IGSF11: variants seen among roughly 807,000 people sequenced by gnomAD.
IGSF11 encodes the protein CXADR like 1.
IGSF11 carries 22 observed loss-of-function variants against 41.0 expected under a neutral mutation model. That is an observed-to-expected ratio of 0.54 (90% CI 0.38 to 0.77). IGSF11 has a LOEUF of 0.77. IGSF11 is among the 30% of genes least tolerant of loss of function. The pLI is 0.00. For synonymous variants in IGSF11, 219 were observed against 201.3 expected (o/e 1.09, Z -0.74); for missense variants, 444 against 530.8 (o/e 0.84, Z 1.61).
intron 1 of IGSF11, among the ~76,000 whole-genome samples, chr3:118,988,977 T>C (rs1273286431): frequency 6.6e-6 from 1 of 152,156 alleles, no homozygotes; most frequent in Non-Finnish European, 1.5e-5. Context: ...CCATATAAAC[T>C]AAAAGAAAAC....
At chr3:119,090,413 G>T (rs1350278989) in intron 1 of IGSF11, among the ~76,000 whole-genome samples, 1 of 152,022 alleles carries the variant, frequency 6.6e-6, no homozygotes, top group African/African-American at 2.4e-5. Flanking sequence ...ATAACAAAAA[G>T]CCCATATAGC....
At chr3:119,048,177 C>T (rs1489585722) in intron 1 of IGSF11, among the ~76,000 whole-genome samples, 3 of 152,016 alleles carry the variant, frequency 2.0e-5, no homozygotes, top group Non-Finnish European at 2.9e-5. Flanking sequence ...TAGTGACACA[C>T]AAAACGCTTC....
chr3:119,015,106 A>G (rs1938545695), intron 1 of IGSF11, among the ~76,000 whole-genome samples: 2 of 152,222 alleles, frequency 1.3e-5, no homozygotes, highest in African/African-American at 4.8e-5. Context: ...TACTGCAAAC[A>G]AACATCACAT....
At chr3:119,135,230 A>G (rs2077543639) in intron 1 of IGSF11, among the ~76,000 whole-genome samples, 1 of 152,232 alleles carries the variant, frequency 6.6e-6, no homozygotes, top group African/African-American at 2.4e-5. Context: ...ATTAAACTAA[A>G]GAGCTTCTGC....
At chr3:118,944,887 G>GA (rs1027174152) in intron 1 of IGSF11, 1 of 152,130 alleles carries the variant, frequency 6.6e-6, no homozygotes, top group Non-Finnish European at 1.5e-5. Flanking sequence ...CCCAGAGATG[G>GA]AACTGGGATT....
chr3:119,008,523 G>A (rs1014447703), intron 1 of IGSF11, among the ~76,000 whole-genome samples: 6 of 144,436 alleles, frequency 4.2e-5, no homozygotes, highest in South Asian at 2.1e-4. Flanking sequence ...ACAAGGAGGA[G>A]GAAGTTTTTA....
At chr3:119,089,255 G>A (rs1160101082) in intron 1 of IGSF11, among the ~76,000 whole-genome samples, 3 of 151,792 alleles carry the variant, frequency 2.0e-5, no homozygotes, top group African/African-American at 7.3e-5. Context: ...TTTATTCCTG[G>A]GATAGAAGGC....
At chr3:118,930,061 C>T (rs1942715042) in intron 2 of IGSF11, 51 bp downstream of exon 2, 1 of 1,555,200 alleles carries the variant, frequency 6.4e-7, no homozygotes, top group Non-Finnish European at 8.7e-7. Context: ...CTACCAACCT[C>T]CTCTGAAAAG....
At chr3:119,083,493 T>TA (rs1271937532) in intron 1 of IGSF11, among the ~76,000 whole-genome samples, 1 of 139,760 alleles carries the variant, frequency 7.2e-6, no homozygotes, top group Non-Finnish European at 1.5e-5. Context: ...CAAACACTCT[T>TA]ACCACAAAGA....
chr3:119,099,967 T>G (rs1329495606), intron 1 of IGSF11, among the ~76,000 whole-genome samples: 1 of 151,986 alleles, frequency 6.6e-6, no homozygotes, highest in African/African-American at 2.4e-5. Flanking sequence ...GCAGGCAGAG[T>G]GTACAGTGAG....
At chr3:119,003,201 T>G (rs747000791) in intron 1 of IGSF11, among the ~76,000 whole-genome samples, 2,366 of 145,148 alleles carry the variant, frequency 0.016, 26 homozygotes, top group Non-Finnish European at 0.022. Context: ...CCCTTGTAAG[T>G]TGGATTCCTA....
intron 1 of IGSF11, among the ~76,000 whole-genome samples, chr3:119,127,572 C>G (rs751402488): frequency 6.6e-6 from 1 of 152,016 alleles, no homozygotes; most frequent in African/African-American, 2.4e-5. Context: ...AGATAGTCCA[C>G]GAGAAGATCA....
At chr3:119,016,837 T>C (rs1938746164) in intron 1 of IGSF11, among the ~76,000 whole-genome samples, 1 of 152,176 alleles carries the variant, frequency 6.6e-6, no homozygotes, top group African/African-American at 2.4e-5. Context: ...CAAGACTCAC[T>C]TATAGTTCCT....
chr3:119,058,149 T>G (rs1941921556), intron 1 of IGSF11, among the ~76,000 whole-genome samples: 1 of 152,176 alleles, frequency 6.6e-6, no homozygotes, highest in South Asian at 2.1e-4. Context: ...CAAGAGCTTC[T>G]GCACAGCAAA....
chr3:119,134,661 T>C (rs142605319), intron 1 of IGSF11, among the ~76,000 whole-genome samples: 162 of 152,280 alleles, frequency 1.1e-3, no homozygotes, highest in African/African-American at 3.8e-3. Context: ...ATAGATTTAA[T>C]GCCATCCCCA....
At chr3:118,984,172 C>CA (rs11329040) in intron 1 of IGSF11, among the ~76,000 whole-genome samples, 11,349 of 133,954 alleles carry the variant, frequency 0.085, 491 homozygotes, top group East Asian at 0.13. Context: ...TTCTGAAATT[C>CA]AAAAAAAAAA....
At chr3:119,065,051 G>A (rs371845978) in intron 1 of IGSF11, among the ~76,000 whole-genome samples, 4 of 152,270 alleles carry the variant, frequency 2.6e-5, no homozygotes, top group Admixed American at 1.3e-4. Flanking sequence ...TTTAATGTAA[G>A]TGTTGGTAGC....
chr3:119,132,762 A>G (rs1254397839), intron 1 of IGSF11, among the ~76,000 whole-genome samples: 1 of 152,194 alleles, frequency 6.6e-6, no homozygotes, highest in Non-Finnish European at 1.5e-5. Context: ...TCAATAGAAT[A>G]TACATTCTTC....
chr3:119,044,379 A>T (rs992997833), intron 1 of IGSF11, among the ~76,000 whole-genome samples: 1 of 152,056 alleles, frequency 6.6e-6, no homozygotes, highest in Non-Finnish European at 1.5e-5. Flanking sequence ...AAGAATTTTT[A>T]AAAAATAAAC....
Sources: gnomAD v4.1 joint callset for allele counts (sites outside exome capture counted in the v4.1 genomes callset) on GRCh38, gnomAD v4.1.1 for gene constraint, MANE v1.5 for transcripts, NCBI Gene and HGNC (gene_info 2026-07-23, HGNC 2026-07-21) for gene names.